Variants in PTGER3 observed in about 807,000 individuals in gnomAD.
The protein encoded by PTGER3 is prostaglandin E receptor 3.
A neutral mutation model predicts 34.7 loss-of-function variants in PTGER3; 22 were observed. The ratio of observed to expected loss-of-function variants is 0.63; its 90% CI spans 0.45 to 0.91. The LOEUF (loss-of-function observed/expected upper bound fraction) is 0.91. Among genes scored for constraint, PTGER3 ranks in the 40% least tolerant of loss-of-function variants. The pLI is 0.00. For synonymous variants in PTGER3, 241 were observed against 230.1 expected (o/e 1.05, Z -0.43); for missense variants, 468 against 519.4 (o/e 0.90, Z 0.96).
chr1:70,896,412 T>TG (rs1051606435), intron 4 of PTGER3, among the ~76,000 whole-genome samples: 2 of 152,032 alleles, frequency 1.3e-5, no homozygotes, highest in Non-Finnish European at 2.9e-5. Flanking sequence ...GGTCAAGAAA[T>TG]GCCTAGGAAT....
intron 4 of PTGER3, among the ~76,000 whole-genome samples, chr1:70,907,051 GATTAGAGTCACAAGAC>G: frequency 6.6e-6 from 1 of 152,302 alleles, no homozygotes; most frequent in East Asian, 1.9e-4. Flanking sequence ...AGTTGTATTA[GATTAGAGTCACAAGAC>G]ATCAGTTCAC....
chr1:70,893,786 G>C (rs11803897), intron 4 of PTGER3, among the ~76,000 whole-genome samples: 1,984 of 152,204 alleles, frequency 0.013, 47 homozygotes, highest in African/African-American at 0.046. Context: ...GTCTATTGCT[G>C]CTAGGAATAA....
At chr1:70,975,367 T>C (rs1653584189) in intron 2 of PTGER3, among the ~76,000 whole-genome samples, 1 of 152,266 alleles carries the variant, frequency 6.6e-6, no homozygotes, top group Admixed American at 6.5e-5. Context: ...ACGATTCCTT[T>C]TTTTTATAAA....
chr1:70,897,239 A>G (rs1214476401), intron 4 of PTGER3, among the ~76,000 whole-genome samples: 1 of 152,200 alleles, frequency 6.6e-6, no homozygotes, highest in Non-Finnish European at 1.5e-5. Flanking sequence ...CACTGGTGTC[A>G]CATTTCCATT....
At chr1:70,964,104 C>A (rs574710249) in intron 2 of PTGER3, among the ~76,000 whole-genome samples, 1 of 152,298 alleles carries the variant, frequency 6.6e-6, no homozygotes, top group East Asian at 1.9e-4. Context: ...GCCTGGATTT[C>A]ATTGTCCACA....
intron 4 of PTGER3, among the ~76,000 whole-genome samples, chr1:70,929,346 T>G (rs1431007259): frequency 1.3e-5 from 2 of 152,196 alleles, no homozygotes; most frequent in Non-Finnish European, 2.9e-5. Context: ...GTGGCTAGCT[T>G]TTGCAGTTGA....
chr1:71,044,852 T>C (rs955211973), intron 1 of PTGER3, among the ~76,000 whole-genome samples: 4 of 152,204 alleles, frequency 2.6e-5, no homozygotes, highest in African/African-American at 4.8e-5. Context: ...AATCATGTGA[T>C]ACAGCAAACT....
At chr1:70,871,473 A>C (rs1646161700) in intron 4 of PTGER3, among the ~76,000 whole-genome samples, 1 of 152,198 alleles carries the variant, frequency 6.6e-6, no homozygotes, top group Non-Finnish European at 1.5e-5. Context: ...CCTCTGCCAG[A>C]GTTTTGAGAT....
intron 4 of PTGER3, among the ~76,000 whole-genome samples, chr1:70,880,802 G>C (rs1646375957): frequency 6.6e-6 from 1 of 151,794 alleles, no homozygotes; most frequent in Non-Finnish European, 1.5e-5. Context: ...TCCCTTTGTA[G>C]GTGACCTTCC....
At chr1:71,018,775 T>G (rs1021753443) in intron 1 of PTGER3, among the ~76,000 whole-genome samples, 1 of 152,206 alleles carries the variant, frequency 6.6e-6, no homozygotes, top group Non-Finnish European at 1.5e-5. Flanking sequence ...GTGAGGCTAA[T>G]AATTTAAAAT....
intron 4 of PTGER3, among the ~76,000 whole-genome samples, chr1:70,933,202 A>G (rs1648889152): frequency 6.6e-6 from 1 of 152,162 alleles, no homozygotes; most frequent in Non-Finnish European, 1.5e-5. Flanking sequence ...TGATGTTACT[A>G]TTCTTTAAGA....
At chr1:70,946,028 C>T (rs1281379852) in intron 4 of PTGER3, among the ~76,000 whole-genome samples, 2 of 152,076 alleles carry the variant, frequency 1.3e-5, no homozygotes, top group Non-Finnish European at 2.9e-5. Context: ...AATTTCATGA[C>T]TTCCATCGAA....
chr1:70,876,815 T>C (rs1429163719), intron 4 of PTGER3, among the ~76,000 whole-genome samples: 1 of 152,182 alleles, frequency 6.6e-6, no homozygotes, highest in Non-Finnish European at 1.5e-5. Flanking sequence ...TTGGTCTATG[T>C]GTCTGTTTTT....
intron 4 of PTGER3, among the ~76,000 whole-genome samples, chr1:70,944,490 G>C (rs1650041366): frequency 6.6e-6 from 1 of 152,056 alleles, no homozygotes; most frequent in South Asian, 2.1e-4. Context: ...TGAGCACCAA[G>C]GTCCATGCAT....
intron 4 of PTGER3, among the ~76,000 whole-genome samples, chr1:70,911,933 T>A (rs1290091141): frequency 6.6e-6 from 1 of 152,234 alleles, no homozygotes; most frequent in Non-Finnish European, 1.5e-5. Context: ...CCTGTAAAAT[T>A]TTTTGTACTT....
intron 4 of PTGER3, among the ~76,000 whole-genome samples, chr1:70,854,521 C>T (rs1205121773): frequency 6.6e-6 from 1 of 152,070 alleles, no homozygotes; most frequent in Non-Finnish European, 1.5e-5. Flanking sequence ...GAGATGATTG[C>T]TCATGGGGAC....
chr1:71,039,916 A>G lies in PTGER3; in HGVS notation c.897+6765T>C, dbSNP rs549591461. Among the ~76,000 whole-genome samples, 7 of 152,238 alleles carry G rather than the reference A, an allele frequency of 4.6e-5. No homozygotes were observed. The East Asian group carries it at 1.3e-3, about 29-fold the overall frequency. ...GAAGGAATGTTCCCAGCTTGCTAAAAGGACTCAGTAATAAAGTATTTTCAT... is the reference window on the plus strand; with the variant it reads ...GAAGGAATGTTCCCAGCTTGCTAAAGGGACTCAGTAATAAAGTATTTTCAT... On this transcript the variant is annotated intron_variant, in intron 1 of 3. Coordinates refer to ENST00000306666, the MANE Select transcript of PTGER3 (RefSeq NM_198719.2).
At chr1:70,942,289 C>A (rs1480107461) in intron 4 of PTGER3, among the ~76,000 whole-genome samples, 1 of 152,208 alleles carries the variant, frequency 6.6e-6, no homozygotes, top group Admixed American at 6.5e-5. Flanking sequence ...GGACCTGTAG[C>A]ACCAACCCTG....
At chr1:70,996,142 G>T (rs1451206189) in intron 2 of PTGER3, among the ~76,000 whole-genome samples, 1 of 152,144 alleles carries the variant, frequency 6.6e-6, no homozygotes, top group Non-Finnish European at 1.5e-5. Context: ...ACACTGAAAT[G>T]ACGTCTTCAG....
Sources: gnomAD v4.1 joint callset for allele counts (sites outside exome capture counted in the v4.1 genomes callset) on GRCh38, gnomAD v4.1.1 for gene constraint, MANE v1.5 for transcripts, NCBI Gene and HGNC (gene_info 2026-07-23, HGNC 2026-07-21) for gene names.